Variants in SI observed in about 807,000 individuals in gnomAD.
SI encodes the protein sucrase-isomaltase, also known as sucrase-isomaltase, intestinal.
SI carries 235 observed loss-of-function variants against 253.3 expected under a neutral mutation model. The observed-to-expected ratio is 0.93, with a 90% confidence interval of 0.83 to 1.03. SI has a LOEUF of 1.03. Ranked by LOEUF, SI falls within the 50% of genes least tolerant of loss-of-function variation. The pLI is 0.00. For synonymous variants in SI, 819 were observed against 712.0 expected (o/e 1.15, Z -2.39); for missense variants, 2,442 against 2,211.1 (o/e 1.10, Z -2.09).
rs1018078839 is a variant in SI, at chr3:165,036,330, A to T, written c.2515+59T>A. 18 of 1,181,950 alleles carry T rather than the reference A, an allele frequency of 1.5e-5. No individual in the cohort carries two copies. In the Admixed American group the frequency reaches 1.9e-4, roughly 12 times the overall value. The allele number at this position is 1,181,950 out of a possible 1,614,324, so 73.2% of individuals were successfully genotyped here. ...AAAAAATGATACAACCTATATCAAT[A>T]AAGCCAAAACTTCCCATTATCAGAG... On this transcript the variant is annotated intron_variant, in intron 22 of 47. Coordinates refer to ENST00000264382, the MANE Select transcript of SI (RefSeq NM_001041.4).
intron 23 of SI, 144 bp from the exon 24 acceptor site, chr3:165,032,836 T>G: frequency 1.8e-6 from 1 of 567,166 alleles, no homozygotes; most frequent in Admixed American, 3.1e-5. Flanking sequence ...CACATAGAAA[T>G]ATACTCATTA....
the SI span, among the ~76,000 whole-genome samples, chr3:165,089,285 C>T: frequency 6.6e-6 from 1 of 151,972 alleles, no homozygotes; most frequent in Middle Eastern, 3.2e-3. Flanking sequence ...AGAGATTAAA[C>T]TATTGATTTA....
At chr3:165,058,896 A>ACG in intron 12 of SI, 67 bp downstream of exon 12, 21 of 1,324,058 alleles carry the variant, frequency 1.6e-5, no homozygotes, top group South Asian at 2.4e-5. Context: ...ACGCACATCC[A>ACG]CAGAAACTTT....
At chr3:165,067,276 A>G in intron 6 of SI, 64 bp downstream of exon 6, 2 of 1,228,222 alleles carry the variant, frequency 1.6e-6, no homozygotes, top group Non-Finnish European at 2.3e-6. Context: ...ATGTCTTGAA[A>G]TTAAGACTTT....
At chr3:165,013,121 G>T in intron 33 of SI, 79 bp from the exon 34 acceptor site, 1 of 865,216 alleles carries the variant, frequency 1.2e-6, no homozygotes. Flanking sequence ...AAGTGTAATG[G>T]AGTATTAGAG....
Position 165,048,056 on chromosome 3 carries a change from T to G in SI, c.1716-1044A>C, listed in dbSNP as rs1023675505. Among the ~76,000 whole-genome samples the G allele has an allele frequency of 3.3e-5, 5 of 152,086 alleles. No homozygotes were observed. The East Asian group carries it at 9.6e-4, about 29-fold the overall frequency. On this transcript the variant is annotated intron_variant, in intron 15 of 47. Coordinates refer to ENST00000264382, the MANE Select transcript of SI (RefSeq NM_001041.4). ...ATATATTAACTTAAACACTGCTTCA[T>G]GTAATACTCCATTGAGTTTACAAAG...
intron 35 of SI, 78 bp downstream of exon 35, chr3:165,009,201 A>G: frequency 1.0e-6 from 1 of 954,860 alleles, no homozygotes; most frequent in Admixed American, 1.8e-5. Context: ...TGTTGACATT[A>G]TTTGAGCCAA....
intron 42 of SI, 24 bp from the exon 43 acceptor site, chr3:164,992,257 T>C: frequency 6.2e-7 from 1 of 1,612,340 alleles, no homozygotes; most frequent in East Asian, 2.2e-5. Flanking sequence ...AAATAGCCAT[T>C]AGTTGTATAT....
At chr3:165,075,716 C>T (rs1042886661) in intron 2 of SI, among the ~76,000 whole-genome samples, 179 bp downstream of exon 2, 1 of 151,902 alleles carries the variant, frequency 6.6e-6, no homozygotes, top group Non-Finnish European at 1.5e-5. Flanking sequence ...TACAATAGCT[C>T]ATCATTGAAA....
chr3:164,996,987 T>C (rs1197219643), intron 38 of SI, among the ~76,000 whole-genome samples: 1 of 151,804 alleles, frequency 6.6e-6, no homozygotes, highest in African/African-American at 2.4e-5. Flanking sequence ...AATAAGATAC[T>C]ATAAGCTTCC....
chr3:165,041,012 A>C lies in SI; in HGVS notation c.2087T>G (p.Leu696Ter), dbSNP rs750836044. The change falls in exon 18 of 48, where the codon TTA (leucine) becomes TGA (stop). Residue 696 changes from leucine to a stop codon, truncating the protein, a stop_gained. Coordinates refer to ENST00000264382, the MANE Select transcript of SI (RefSeq NM_001041.4). LOFTEE classifies it high-confidence loss of function. ...RQYLTIRYTL[L>*]PFLYTLFYKA... ...ATAAAACAGAGTGTAGAGGAAGGGT[A>C]ATAAGGTGTAGCGAATAGTTAAATA... The C allele has an allele frequency of 6.2e-7, 1 of 1,612,504 alleles. No individual in the cohort carries two copies. The highest frequency in any genetic ancestry group is 8.5e-7 in the Non-Finnish European group (1 of 1,178,888).
intron 13 of SI, 67 bp from the exon 14 acceptor site, chr3:165,049,942 C>T (rs114240666): frequency 5.7e-5 from 57 of 999,186 alleles, no homozygotes; most frequent in Non-Finnish European, 7.7e-5. Context: ...CAGAAACTCT[C>T]TAGTTGTTTG....
intron 3 of SI, among the ~76,000 whole-genome samples, chr3:165,071,779 G>T (rs1426874766): frequency 6.6e-6 from 1 of 152,096 alleles, no homozygotes; most frequent in African/African-American, 2.4e-5. Context: ...AGGACAAAAT[G>T]AGAAGGAAGC....
intron 37 of SI, among the ~76,000 whole-genome samples, chr3:165,003,253 T>G (rs1416777942): frequency 1.3e-5 from 2 of 151,940 alleles, no homozygotes; most frequent in African/African-American, 4.8e-5. Context: ...TTTCAATTTT[T>G]GTTAAGCTAC....
chr3:165,087,318 G>A, the SI span, among the ~76,000 whole-genome samples: 2 of 152,074 alleles, frequency 1.3e-5, no homozygotes, highest in East Asian at 2.0e-4. Flanking sequence ...AACAGAGAAC[G>A]ACACCCTTAT....
chr3:165,068,213 A>T (rs1714360766), intron 5 of SI, among the ~76,000 whole-genome samples: 1 of 152,164 alleles, frequency 6.6e-6, no homozygotes. Flanking sequence ...AAAATTTTCA[A>T]ATGTTTCTTG....
chr3:165,063,444 A>G lies in SI; in HGVS notation c.905T>C (p.Met302Thr), dbSNP rs1167410422. The G allele has an allele frequency of 1.5e-6, 2 of 1,350,358 alleles. No homozygotes were observed. The highest frequency in any genetic ancestry group is 1.7e-5 in the Admixed American group (1 of 59,140). 83.6% of individuals were successfully genotyped at this position (1,350,358 alleles called of 1,614,324 possible). The stretch of plus-strand genomic sequence containing the variant: ...ATTATCAAATGAATTATTCTTACCC[A>G]TTGCATTGCTATTCATTAAAAAAAC... Reference protein sequence around the residue: ...FGVFLMNSNAMEIFIQPTPIV... With the variant: ...FGVFLMNSNATEIFIQPTPIV... Residue 302 changes from methionine to threonine, a missense_variant and splice_region_variant, in exon 8 of 48, where the codon ATG (methionine) becomes ACG (threonine). Coordinates refer to ENST00000264382, the MANE Select transcript of SI (RefSeq NM_001041.4).
At chr3:165,084,078 G>C in the SI span, among the ~76,000 whole-genome samples, 2 of 151,904 alleles carry the variant, frequency 1.3e-5, no homozygotes, top group African/African-American at 4.8e-5. Flanking sequence ...AGGGCTTTTG[G>C]GAGGTAATTA....
chr3:165,038,926 T>G (rs904834643), intron 20 of SI, 152 bp downstream of exon 20: 14 of 553,850 alleles, frequency 2.5e-5, no homozygotes, highest in African/African-American at 2.5e-4. Context: ...TAACACATTT[T>G]TAAAGTCTGA....
Sources: allele counts gnomAD v4.1 joint callset (sites outside exome capture counted in the v4.1 genomes callset), GRCh38; gene constraint gnomAD v4.1.1; transcripts MANE v1.5; gene names NCBI Gene and HGNC (gene_info 2026-07-23, HGNC 2026-07-21).